The following XXYLT1 variants were observed in gnomAD, a reference collection of about 807,000 sequenced individuals.
XXYLT1 encodes the protein UDP-xylose:alpha-xyloside alpha-1,3-xylosyltransferase.
Under a neutral mutation model 28.9 loss-of-function variants are expected in XXYLT1, and 20 were observed. That is an observed-to-expected ratio of 0.69 (90% CI 0.49 to 1.00). The LOEUF (loss-of-function observed/expected upper bound fraction) is 1.00, where lower values mean the gene tolerates loss of function less well. XXYLT1 is among the 50% of genes least tolerant of loss of function. XXYLT1 has a pLI of 0.00. For synonymous variants in XXYLT1, 257 were observed against 253.8 expected (o/e 1.01, Z -0.12); for missense variants, 542 against 560.1 (o/e 0.97, Z 0.33).
intron 2 of XXYLT1, among the ~76,000 whole-genome samples, chr3:195,197,911 A>G (rs2108760219): frequency 6.6e-6 from 1 of 152,358 alleles, no homozygotes; most frequent in Non-Finnish European, 1.5e-5. Flanking sequence ...AGGCTAGGGA[A>G]GAGCTCTACT....
At chr3:195,230,261 C>A (rs576318451) in intron 1 of XXYLT1, among the ~76,000 whole-genome samples, 15 of 152,070 alleles carry the variant, frequency 9.9e-5, no homozygotes, top group Admixed American at 2.0e-4. Context: ...GTTGTTTGAG[C>A]CCCTTATATA....
At chr3:195,237,099 G>T in intron 1 of XXYLT1, among the ~76,000 whole-genome samples, 1 of 152,190 alleles carries the variant, frequency 6.6e-6, no homozygotes, top group East Asian at 1.9e-4. Context: ...CCTGGCTGGT[G>T]TCTCATTAGG....
At position 195,269,737 on chromosome 3, in the gene XXYLT1, TG is replaced by T. The variant is rs1362034353; in HGVS notation, c.504+817del. On this transcript the variant is annotated intron_variant, in intron 1 of 3. Coordinates refer to ENST00000310380, the MANE Select transcript of XXYLT1 (RefSeq NM_152531.5). ...ATATTACCTACTACTCCTTAAAATC[TG>T]GCCTCGGATCCCCTCTGTACAACTA... Among the ~76,000 whole-genome samples, 11 of 152,346 alleles carry T rather than the reference TG, an allele frequency of 7.2e-5. No homozygotes were observed. The East Asian group carries it at 2.1e-3, about 29-fold the overall frequency.
chr3:195,140,355 G>C (rs1719419206), intron 3 of XXYLT1, among the ~76,000 whole-genome samples: 1 of 152,182 alleles, frequency 6.6e-6, no homozygotes. Flanking sequence ...ACCAGCTCCG[G>C]AGGTGGCACG....
rs114807709 is a variant in XXYLT1 at position 195,129,517 on chromosome 3, G to T, written c.785+26932C>A. ...CTTCTGTGACGGGCTTCTTTCACTC[G>T]TCTTAATGCTTTCAAGGTGCATCGT... On this transcript the variant is annotated intron_variant, in intron 3 of 3. Transcript: ENST00000310380. The surrounding 1 kb of genome is among the most constrained non-coding windows in gnomAD (Gnocchi z 4.4). Among the ~76,000 whole-genome samples, 1 of 152,088 alleles carries T rather than the reference G, an allele frequency of 6.6e-6. No homozygotes were observed.
chr3:195,258,721 T>C (rs1362237136), intron 1 of XXYLT1, among the ~76,000 whole-genome samples: 2 of 152,146 alleles, frequency 1.3e-5, no homozygotes, highest in Non-Finnish European at 2.9e-5. Flanking sequence ...AAAGAGAAAG[T>C]GTGGATGCCC....
intron 3 of XXYLT1, among the ~76,000 whole-genome samples, chr3:195,134,874 T>TGCGC (rs1553808211): frequency 7.8e-6 from 1 of 128,924 alleles, no homozygotes; most frequent in Non-Finnish European, 1.7e-5. Context: ...TGTGTGCGTG[T>TGCGC]GCGCGCGTGC....
chr3:195,083,834 C>G (rs543819660), intron 3 of XXYLT1, among the ~76,000 whole-genome samples: 2 of 152,000 alleles, frequency 1.3e-5, no homozygotes, highest in African/African-American at 2.4e-5. Context: ...GAGACCAGCC[C>G]GGCCAACACA....
chr3:195,204,265 C>T (rs1008690200), intron 2 of XXYLT1, among the ~76,000 whole-genome samples: 6 of 151,846 alleles, frequency 4.0e-5, no homozygotes, highest in Admixed American at 2.6e-4. Context: ...CTCGCTTGAA[C>T]CCAGGAGGCA....
At chr3:195,155,473 C>G (rs184338890) in intron 3 of XXYLT1, among the ~76,000 whole-genome samples, 24 of 152,328 alleles carry the variant, frequency 1.6e-4, no homozygotes, top group Non-Finnish European at 2.8e-4. Flanking sequence ...ATGAAACTCT[C>G]CAGGCCCAGG....
At chr3:195,266,668 G>A (rs1725859269) in intron 1 of XXYLT1, among the ~76,000 whole-genome samples, 2 of 152,184 alleles carry the variant, frequency 1.3e-5, no homozygotes, top group Non-Finnish European at 2.9e-5. Flanking sequence ...GTTACCCAGA[G>A]GACAGGATGC....
At chr3:195,119,373 G>A (rs1718224566) in intron 3 of XXYLT1, among the ~76,000 whole-genome samples, 1 of 151,808 alleles carries the variant, frequency 6.6e-6, no homozygotes, top group Admixed American at 6.6e-5. Context: ...ATGACTATGT[G>A]ACCTTAGATT....
chr3:195,225,759 T>TG (rs1175183567), intron 2 of XXYLT1, among the ~76,000 whole-genome samples: 1 of 149,410 alleles, frequency 6.7e-6, no homozygotes, highest in African/African-American at 2.4e-5. Context: ...AATTTAATCA[T>TG]GGGGGGCAGT....
intron 3 of XXYLT1, among the ~76,000 whole-genome samples, chr3:195,142,126 TCTC>T (rs1203356590): frequency 1.3e-5 from 2 of 152,106 alleles, no homozygotes; most frequent in African/African-American, 4.8e-5. Context: ...CTCCCCAGTC[TCTC>T]CTCTTCCGAC....
At chr3:195,178,667 TGAAGCACG>T (rs1721793081) in intron 2 of XXYLT1, among the ~76,000 whole-genome samples, 1 of 152,170 alleles carries the variant, frequency 6.6e-6, no homozygotes, top group South Asian at 2.1e-4. Context: ...TGCCCAGCTC[TGAAGCACG>T]GTCTTCACAC....
chr3:195,197,777 A>G (rs576458245), intron 2 of XXYLT1, among the ~76,000 whole-genome samples: 1 of 152,296 alleles, frequency 6.6e-6, no homozygotes, highest in South Asian at 2.1e-4. Context: ...CATCCTACTG[A>G]CCTGCCATCA....
At chr3:195,207,505 A>T in intron 2 of XXYLT1, 2 of 455,888 alleles carry the variant, frequency 4.4e-6, no homozygotes, top group South Asian at 3.1e-5. Flanking sequence ...CACTCTATGG[A>T]AAAAAGATAG....
intron 1 of XXYLT1, chr3:195,247,691 G>A (rs1725086125): frequency 4.6e-6 from 3 of 655,790 alleles, no homozygotes; most frequent in Admixed American, 2.1e-5. Context: ...CTCAGCTGCT[G>A]TATTAGCCTG....
chr3:195,222,418 C>T (rs7628016), intron 2 of XXYLT1, among the ~76,000 whole-genome samples: 3,061 of 152,258 alleles, frequency 0.02, 89 homozygotes, highest in African/African-American at 0.065. Context: ...GTACAGACAC[C>T]AGTAGGCTTC....
Sources: allele counts gnomAD v4.1 joint callset (sites outside exome capture counted in the v4.1 genomes callset), GRCh38; gene constraint gnomAD v4.1.1; non-coding constraint Gnocchi (gnomAD v3.1); transcripts MANE v1.5; gene names NCBI Gene and HGNC (gene_info 2026-07-23, HGNC 2026-07-21).